Variants in FOXP2 observed in about 807,000 individuals in gnomAD.
FOXP2 encodes the protein forkhead box protein P2.
Under a neutral mutation model 115.8 loss-of-function variants are expected in FOXP2, and 12 were observed. That is an observed-to-expected ratio of 0.10 (90% CI 0.07 to 0.17). The LOEUF (loss-of-function observed/expected upper bound fraction) is 0.17, where lower values mean the gene tolerates loss of function less well. FOXP2 is among the 10% of genes least tolerant of loss of function. The pLI is 1.00. For synonymous variants in FOXP2, 328 were observed against 297.7 expected, an observed-to-expected ratio of 1.10 and a Z score of -1.05; for missense variants, 629 against 843.5, an observed-to-expected ratio of 0.75 and a Z score of 3.15.
At chr7:114,158,506 A>G (rs1373675725), upstream of FOXP2, among the ~76,000 whole-genome samples, 1 of 152,130 alleles carries the variant, frequency 6.6e-6, no homozygotes, top group African/African-American at 2.4e-5. Flanking sequence ...CCTACAAAGC[A>G]GTAATGGCAG....
chr7:114,341,398 T>C (rs1230887110), intron 2 of FOXP2, among the ~76,000 whole-genome samples: 1 of 151,258 alleles, frequency 6.6e-6, no homozygotes, highest in African/African-American at 2.4e-5. Flanking sequence ...AACAATCTTA[T>C]GATTGATTAA....
intron 1 of FOXP2, among the ~76,000 whole-genome samples, chr7:114,267,023 A>G (rs1795912083): frequency 6.6e-6 from 1 of 152,230 alleles, no homozygotes; most frequent in Non-Finnish European, 1.5e-5. Flanking sequence ...AAGGAGGGAA[A>G]AAAACAAATG....
At position 114,123,452 on chromosome 7, in the gene FOXP2, G is replaced by A. The variant is rs569396417; in HGVS notation, c.-247+35614G>A. 4.0e-5 allele frequency among the ~76,000 whole-genome samples: 6 copies of A among 151,576 alleles called. No individual in the cohort carries two copies. In the East Asian group the frequency reaches 1.2e-3, roughly 29 times the overall value. ...TGTGGTCAACTATATATATTACATT[G>A]TAATGAAAATATTGATTTTTAAAGC... On this transcript the variant is annotated intron_variant, in intron 1 of 19. Coordinates refer to the FOXP2 transcript ENST00000635638.
chr7:114,295,987 G>A (rs1796734185), intron 2 of FOXP2, among the ~76,000 whole-genome samples: 1 of 152,132 alleles, frequency 6.6e-6, no homozygotes, highest in Non-Finnish European at 1.5e-5. Context: ...AAAATAGATT[G>A]CCATAGGAGA....
intron 2 of FOXP2, among the ~76,000 whole-genome samples, chr7:114,303,296 A>G (rs1220397976): frequency 6.6e-6 from 1 of 152,184 alleles, no homozygotes; most frequent in Non-Finnish European, 1.5e-5. Context: ...TCCTACACAT[A>G]CAAAAAAAGG....
chr7:114,442,775 T>G (rs1794666438), intron 2 of FOXP2, among the ~76,000 whole-genome samples: 1 of 152,122 alleles, frequency 6.6e-6, no homozygotes, highest in Admixed American at 6.6e-5. Context: ...GCGGGTGAAT[T>G]TTATGGTATG....
In FOXP2 at chr7:114,498,364, A is replaced by G. The variant is rs370228597; in HGVS notation, c.169-36253A>G. On this transcript the variant is annotated intron_variant, in intron 2 of 16. Coordinates refer to ENST00000350908, the MANE Select transcript of FOXP2 (RefSeq NM_014491.4). ...AGATCATTTTAATAAATATTTATTG[A>G]CTACCTATTCTAGGCAGAGGAATTG... is the stretch of plus-strand genomic sequence containing the variant. Among the ~76,000 whole-genome samples, 7 of 152,284 alleles carry G rather than the reference A, an allele frequency of 4.6e-5. No homozygotes were observed. In the East Asian group the frequency reaches 1.3e-3, roughly 29 times the overall value.
intron 1 of FOXP2, among the ~76,000 whole-genome samples, chr7:114,125,165 T>C (rs1791674942): frequency 6.6e-6 from 1 of 152,096 alleles, no homozygotes; most frequent in Non-Finnish European, 1.5e-5. Context: ...TTTAACCACC[T>C]GTCACATCAT....
intron 1 of FOXP2, among the ~76,000 whole-genome samples, chr7:114,244,172 G>A (rs180814995): frequency 6.6e-6 from 1 of 152,080 alleles, no homozygotes; most frequent in South Asian, 2.1e-4. Flanking sequence ...AAATTGTGAA[G>A]ATAATACAAA....
intron 1 of FOXP2, among the ~76,000 whole-genome samples, chr7:114,229,526 G>T (rs1358720434): frequency 6.6e-6 from 1 of 151,534 alleles, no homozygotes; most frequent in Non-Finnish European, 1.5e-5. Context: ...AATGTAAGAA[G>T]ATTGAAATAA....
chr7:114,366,811 G>GT (rs1294373662), intron 2 of FOXP2, among the ~76,000 whole-genome samples: 2 of 151,980 alleles, frequency 1.3e-5, no homozygotes, highest in African/African-American at 4.8e-5. Context: ...TATAAGATAT[G>GT]TTATACGTAT....
intron 1 of FOXP2, among the ~76,000 whole-genome samples, chr7:114,426,003 C>A (rs1021033779): frequency 1.3e-5 from 2 of 151,598 alleles, no homozygotes; most frequent in Non-Finnish European, 3.0e-5. Flanking sequence ...ATTTGTAACA[C>A]CCTTACAAAA....
intron 14 of FOXP2, among the ~76,000 whole-genome samples, 183 bp from the exon 15 acceptor site, chr7:114,663,267 T>C (rs1806974143): frequency 6.6e-6 from 1 of 152,138 alleles, no homozygotes; most frequent in Non-Finnish European, 1.5e-5. Context: ...TGGATCAAGT[T>C]AATATGTATT....
rs919362610 is a variant in FOXP2, at chr7:114,354,943, G to A, written c.-11+66834G>A. ...TCATATTTGTAAATAAACGAGCATT[G>A]CTATTGCTTTTTCTGTCACTGTTTT... On this transcript the variant is annotated intron_variant, in intron 2 of 17. Coordinates refer to the FOXP2 transcript ENST00000634411. 3.3e-5 allele frequency among the ~76,000 whole-genome samples: 5 copies of A among 152,008 alleles called. No homozygotes were observed. The South Asian group carries it at 1.0e-3, about 32-fold the overall frequency.
chr7:114,555,341 A>G (rs968652391), intron 3 of FOXP2, among the ~76,000 whole-genome samples: 13 of 152,192 alleles, frequency 8.5e-5, no homozygotes, highest in African/African-American at 1.4e-4. Context: ...TTTGTTACAG[A>G]TAATATAGTG....
chr7:114,382,945 A>G (rs1158157715), intron 2 of FOXP2, among the ~76,000 whole-genome samples: 1 of 152,136 alleles, frequency 6.6e-6, no homozygotes, highest in Non-Finnish European at 1.5e-5. Context: ...CAAGTTAGCA[A>G]ATGTCTGCGG....
chr7:114,600,103 A>G (rs1584939588), intron 3 of FOXP2, among the ~76,000 whole-genome samples: 1 of 152,188 alleles, frequency 6.6e-6, no homozygotes, highest in Non-Finnish European at 1.5e-5. Context: ...TGACAAAAGC[A>G]TAAATTCATA....
intron 3 of FOXP2, among the ~76,000 whole-genome samples, chr7:114,535,594 A>G (rs1169469487): frequency 6.6e-6 from 1 of 151,626 alleles, no homozygotes; most frequent in Admixed American, 6.6e-5. Flanking sequence ...GTGTACTTAC[A>G]GATGTTAGTA....
At chr7:114,383,199 T>C (rs1792352236) in intron 2 of FOXP2, among the ~76,000 whole-genome samples, 1 of 152,214 alleles carries the variant, frequency 6.6e-6, no homozygotes, top group Non-Finnish European at 1.5e-5. Flanking sequence ...TCCTAACCCT[T>C]GTAAAACATC....
Sources: allele counts gnomAD v4.1 joint callset (sites outside exome capture counted in the v4.1 genomes callset), GRCh38; gene constraint gnomAD v4.1.1; transcripts MANE v1.5; gene names NCBI Gene and HGNC (gene_info 2026-07-23, HGNC 2026-07-21).